The following IL1RAPL1 variants were observed in gnomAD, a reference collection of about 807,000 sequenced individuals.
IL1RAPL1 encodes interleukin-1 receptor accessory protein-like 1.
A neutral mutation model predicts 48.4 loss-of-function variants in IL1RAPL1; 3 were observed. The observed-to-expected ratio is 0.06, with a 90% CI of 0.03 to 0.16. IL1RAPL1 has a LOEUF of 0.16. IL1RAPL1 is among the 10% of genes least tolerant of loss of function. The pLI is 1.00. For synonymous variants in IL1RAPL1, 185 were observed against 187.7 expected (o/e 0.99, Z 0.12); for missense variants, 349 against 530.6 (o/e 0.66, Z 3.36).
chrX:29,936,425 A>G (rs746534076), intron 8 of IL1RAPL1, among the ~76,000 whole-genome samples: 4 of 110,192 alleles, frequency 3.6e-5, no homozygotes, highest in South Asian at 3.9e-4. Flanking sequence ...AAGACTTTTT[A>G]TAATGAACGA....
chrX:29,393,185 G>A (rs975145463), intron 3 of IL1RAPL1, among the ~76,000 whole-genome samples: 16 of 111,063 alleles, frequency 1.4e-4, no homozygotes, highest in Non-Finnish European at 2.8e-4. Context: ...GCAGTCTCGC[G>A]ATCTCGGCTC....
At chrX:29,702,330 C>G (rs1382829436) in intron 6 of IL1RAPL1, among the ~76,000 whole-genome samples, 2 of 110,073 alleles carry the variant, frequency 1.8e-5, no homozygotes, top group Non-Finnish European at 3.8e-5. Context: ...TCTAAGGAGA[C>G]AGTGACCATC....
intron 5 of IL1RAPL1, among the ~76,000 whole-genome samples, chrX:29,439,851 G>GT (rs760458968): frequency 0.056 from 3,372 of 59,738 alleles, 320 homozygotes; most frequent in Middle Eastern, 0.097. Context: ...TGTTTGTTTG[G>GT]TTTTTTTTTT....
At chrX:28,959,722 T>G (rs887443982) in intron 2 of IL1RAPL1, among the ~76,000 whole-genome samples, 1 of 112,194 alleles carries the variant, frequency 8.9e-6, no homozygotes, top group Non-Finnish European at 1.9e-5. Flanking sequence ...TATTTGGAAA[T>G]TTTCTTTTAG....
chrX:29,432,895 G>T (rs1339353940), intron 5 of IL1RAPL1, among the ~76,000 whole-genome samples: 1 of 111,296 alleles, frequency 9.0e-6, no homozygotes, highest in Non-Finnish European at 1.9e-5. Context: ...GTAGTTTTTT[G>T]TGTGTGTTTA....
At chrX:29,279,739 G>T (rs1282405825) in intron 2 of IL1RAPL1, among the ~76,000 whole-genome samples, 2 of 111,607 alleles carry the variant, frequency 1.8e-5, no homozygotes, top group East Asian at 5.6e-4. Context: ...ATTTAGGTAT[G>T]GAATAAGAGT....
intron 2 of IL1RAPL1, among the ~76,000 whole-genome samples, chrX:29,014,273 T>G (rs1223130618): frequency 8.9e-6 from 1 of 112,301 alleles, no homozygotes; most frequent in Non-Finnish European, 1.9e-5. Flanking sequence ...CATCTTCAGT[T>G]TTTTAGGAGT....
intron 2 of IL1RAPL1, among the ~76,000 whole-genome samples, chrX:29,225,990 G>GGTCA (rs762966846): frequency 9.0e-6 from 1 of 111,566 alleles, no homozygotes; most frequent in East Asian, 2.8e-4. Context: ...AGGCCATTGT[G>GGTCA]GTCAGTCAGT....
Position 28,617,920 on chromosome X carries a change from T to A in IL1RAPL1, c.-25+29873T>A, listed in dbSNP as rs1244679618. Among the ~76,000 whole-genome samples the A allele has an allele frequency of 2.5e-4, 28 of 111,803 alleles. No homozygotes were observed. In the Admixed American group the frequency reaches 2.6e-3, roughly 10 times the overall value. ...CATCAGTTCTTTATACACATCCCTA[T>A]ATCACTAACATTTTTTCTTATCCCA... is the stretch of plus-strand genomic sequence containing the variant. On this transcript the variant is annotated intron_variant, in intron 1 of 10. Coordinates refer to ENST00000378993, the MANE Select transcript of IL1RAPL1 (RefSeq NM_014271.4).
chrX:29,816,773 T>C (rs1393293871), intron 6 of IL1RAPL1, among the ~76,000 whole-genome samples: 2 of 108,604 alleles, frequency 1.8e-5, no homozygotes, highest in Non-Finnish European at 3.8e-5. Flanking sequence ...TTTTCCTTCC[T>C]CCCCCCCCAC....
chrX:29,760,433 A>G (rs1928727757), intron 6 of IL1RAPL1, among the ~76,000 whole-genome samples: 1 of 111,751 alleles, frequency 8.9e-6, no homozygotes, highest in Non-Finnish European at 1.9e-5. Context: ...TATCTCCTAG[A>G]ACTGCATGCA....
chrX:28,678,364 G>C (rs1935022781), intron 1 of IL1RAPL1, among the ~76,000 whole-genome samples: 1 of 111,202 alleles, frequency 9.0e-6, no homozygotes, highest in Non-Finnish European at 1.9e-5. Context: ...TGCCTGATTT[G>C]TTTAAAAATT....
intron 1 of IL1RAPL1, among the ~76,000 whole-genome samples, chrX:28,739,898 T>C (rs1406188287): frequency 9.0e-6 from 1 of 111,164 alleles, no homozygotes; most frequent in East Asian, 2.8e-4. Flanking sequence ...TATGATAGTT[T>C]AGCAATTATT....
At chrX:29,494,509 T>A (rs1465458822) in intron 5 of IL1RAPL1, among the ~76,000 whole-genome samples, 4 of 112,035 alleles carry the variant, frequency 3.6e-5, no homozygotes, top group African/African-American at 9.7e-5. Flanking sequence ...AGTTGCCTTT[T>A]GTGAGAAATA....
rs762408866 is a variant in IL1RAPL1, at chrX:29,025,605, A to G, written c.82+236180A>G. 3.6e-5 allele frequency among the ~76,000 whole-genome samples: 4 copies of G among 111,915 alleles called. No individual in the cohort carries two copies. In the East Asian group the frequency reaches 1.1e-3, roughly 31 times the overall value. ...CTATATTCTAGGCACTCTTCTAGAT[A>G]CTTGAGTATCCTTGAAATCCTTGAA... On this transcript the variant is annotated intron_variant, in intron 2 of 10. Transcript: ENST00000378993.
chrX:29,213,225 C>T (rs750068070), intron 2 of IL1RAPL1, among the ~76,000 whole-genome samples: 6 of 111,233 alleles, frequency 5.4e-5, no homozygotes, highest in African/African-American at 2.0e-4. Context: ...CTCAAACTTC[C>T]GACCTCAGGT....
At chrX:29,183,355 C>T (rs1328397377) in intron 2 of IL1RAPL1, among the ~76,000 whole-genome samples, 2 of 111,678 alleles carry the variant, frequency 1.8e-5, no homozygotes, top group Non-Finnish European at 3.8e-5. Context: ...AACTTGCATC[C>T]CTCCAATCCA....
chrX:29,708,696 C>G (rs1927264036), intron 6 of IL1RAPL1, among the ~76,000 whole-genome samples: 1 of 112,067 alleles, frequency 8.9e-6, no homozygotes, highest in Non-Finnish European at 1.9e-5. Context: ...GCAGATAGCT[C>G]TTCAACATGC....
At chrX:28,774,366 C>T (rs1404613123) in intron 1 of IL1RAPL1, among the ~76,000 whole-genome samples, 1 of 111,592 alleles carries the variant, frequency 9.0e-6, no homozygotes, top group Non-Finnish European at 1.9e-5. Flanking sequence ...GGAATCTGGG[C>T]ATGGATTATC....
Sources: allele counts gnomAD v4.1 joint callset (sites outside exome capture counted in the v4.1 genomes callset), GRCh38; gene constraint gnomAD v4.1.1; transcripts MANE v1.5; gene names NCBI Gene and HGNC (gene_info 2026-07-23, HGNC 2026-07-21).